Variants in PCDHA13 observed in about 807,000 individuals in gnomAD.
PCDHA13 encodes protocadherin alpha 13.
Under a neutral mutation model 64.8 loss-of-function variants are expected in PCDHA13, and 54 were observed. The observed-to-expected ratio is 0.83, with a 90% CI of 0.67 to 1.04. The LOEUF (loss-of-function observed/expected upper bound fraction) is 1.04, where lower values mean the gene tolerates loss of function less well. PCDHA13 is among the 50% of genes least tolerant of loss of function. The pLI, the probability that PCDHA13 is intolerant of heterozygous loss-of-function variation, is 0.00. For missense variants in PCDHA13, 1,248 were observed against 1,254.3 expected, an observed-to-expected ratio of 0.99 and a Z score of 0.08; for synonymous variants, 587 against 564.4, an observed-to-expected ratio of 1.04 and a Z score of -0.57.
chr5:140,947,905 G>C (rs181055131), intron 1 of PCDHA13, among the ~76,000 whole-genome samples: 1 of 151,610 alleles, frequency 6.6e-6, no homozygotes, highest in East Asian at 1.9e-4. Flanking sequence ...GGTGAGAGCA[G>C]ACATTCTTGC....
chr5:140,966,929 G>A (rs944732818), intron 1 of PCDHA13: 2 of 1,603,460 alleles, frequency 1.2e-6, no homozygotes, highest in African/African-American at 1.3e-5. Flanking sequence ...GCAGGCACCC[G>A]GCGCGCTCGT....
At position 141,010,922 on chromosome 5, in the gene PCDHA13, A is replaced by G. The variant is rs1263879494; in HGVS notation, c.*985A>G. The G allele has an allele frequency of 5.2e-5, 8 of 153,814 alleles. No homozygotes were observed. Among genetic ancestry groups the G allele is most frequent in the African/African-American group, 1.9e-4 (8 of 41,474 alleles). The allele number at this position is 153,814 out of a possible 1,614,324, so 9.5% of individuals were successfully genotyped here. A position where few individuals can be genotyped will look rare whatever the true frequency, so the allele number is the denominator to read the frequency against. ...TTCCCCTAAACTCTCCTCAAAAGAG[A>G]ATTCAGTCTACAGCCATTTAAATGA... On this transcript the variant is annotated 3_prime_UTR_variant, in exon 4 of 4. Transcript: ENST00000289272.
chr5:140,966,047 T>G (rs1463127286), intron 1 of PCDHA13, among the ~76,000 whole-genome samples: 1 of 152,214 alleles, frequency 6.6e-6, no homozygotes, highest in Admixed American at 6.5e-5. Flanking sequence ...CCATCGCCAG[T>G]AACCCCAGAG....
intron 1 of PCDHA13, among the ~76,000 whole-genome samples, chr5:140,909,595 A>G (rs1336934015): frequency 6.6e-6 from 1 of 151,976 alleles, no homozygotes; most frequent in Non-Finnish European, 1.5e-5. Context: ...TTGATTTACT[A>G]TTTTTCTAGG....
intron 3 of PCDHA13, among the ~76,000 whole-genome samples, chr5:141,001,134 T>A (rs370176335): frequency 4.7e-4 from 72 of 152,158 alleles, no homozygotes; most frequent in African/African-American, 1.7e-3. Context: ...AACAAATGAA[T>A]CTTCTGTTGC....
At chr5:140,936,266 A>G (rs1407459228) in intron 1 of PCDHA13, among the ~76,000 whole-genome samples, 1 of 152,182 alleles carries the variant, frequency 6.6e-6, no homozygotes, top group African/African-American at 2.4e-5. Context: ...TCATGAAGAT[A>G]TATTCCTGTG....
chr5:140,939,607 A>G (rs1396731179), intron 1 of PCDHA13, among the ~76,000 whole-genome samples: 2 of 152,244 alleles, frequency 1.3e-5, no homozygotes, highest in Non-Finnish European at 2.9e-5. Flanking sequence ...CAAAAACAGA[A>G]CAAGGAGACA....
At chr5:140,989,894 T>C (rs907697062) in intron 3 of PCDHA13, among the ~76,000 whole-genome samples, 7 of 151,812 alleles carry the variant, frequency 4.6e-5, no homozygotes, top group Admixed American at 3.3e-4. Context: ...GTCTCCGTTA[T>C]TCACAATCAG....
chr5:140,927,293 C>T (rs782386645), intron 1 of PCDHA13: 5 of 1,614,176 alleles, frequency 3.1e-6, no homozygotes, highest in Non-Finnish European at 3.4e-6. Flanking sequence ...CTGCACATCC[C>T]CGAGTTCCTG....
In PCDHA13 at chr5:140,982,560, C is replaced by G. The variant is rs782437404; in HGVS notation, c.2539C>G (p.Pro847Ala). The G allele has an allele frequency of 5.6e-6, 9 of 1,614,098 alleles. No homozygotes were observed. Among genetic ancestry groups the G allele is most frequent in the South Asian group, 4.4e-5 (4 of 91,078 alleles). ...QQWPTVSSAT[P>A]EPEAGEVSPP... ...GTGGCCAACAGTATCCAGTGCAACA[C>G]CAGGTAAAGAGCTGGGGTCTCTCCA... Residue 847 changes from proline to alanine, a missense_variant, in exon 3 of 4, where the codon CCA (proline) becomes GCA (alanine). Physicochemically the swap from Pro to Ala is conservative, Grantham distance 27. Coordinates refer to ENST00000289272, the MANE Select transcript of PCDHA13 (RefSeq NM_018904.3).
chr5:140,994,788 C>G (rs139745274), intron 3 of PCDHA13, among the ~76,000 whole-genome samples: 1 of 152,194 alleles, frequency 6.6e-6, no homozygotes, highest in East Asian at 1.9e-4. Context: ...GGAAACAATG[C>G]GTGCATGCAA....
intron 1 of PCDHA13, chr5:140,928,323 T>C: frequency 1.2e-6 from 2 of 1,614,178 alleles, no homozygotes; most frequent in Non-Finnish European, 1.7e-6. Context: ...TGGGGAAGAA[T>C]GGCCTTGTCT....
Position 140,999,523 on chromosome 5 carries a change from C to A in PCDHA13, c.2543-10104C>A, listed in dbSNP as rs115576128. On this transcript the variant is annotated intron_variant, in intron 3 of 3. Coordinates refer to ENST00000289272, the MANE Select transcript of PCDHA13 (RefSeq NM_018904.3). ...AACCTACATTTTAAGCATTTTGTTA[C>A]CCCCTGGATATGACAGCCAATGAAG... is the stretch of plus-strand genomic sequence containing the variant. Among the ~76,000 whole-genome samples, 464 of 152,142 alleles carry A rather than the reference C, an allele frequency of 3.0e-3. 6 individuals carry two copies. Among genetic ancestry groups the A allele is most frequent in the Middle Eastern group, 0.01 (3 of 294 alleles).
intron 1 of PCDHA13, among the ~76,000 whole-genome samples, chr5:140,916,761 G>A (rs1391817856): frequency 2.0e-5 from 3 of 152,306 alleles, no homozygotes; most frequent in South Asian, 2.1e-4. Flanking sequence ...TTAGGGGAGG[G>A]GTGGCACAAG....
At position 141,011,003 on chromosome 5, in the gene PCDHA13, C is replaced by G. The variant is rs748731648; in HGVS notation, c.*1066C>G. 2.0e-5 allele frequency: 3 copies of G among 153,824 alleles called. No homozygotes were observed. In the South Asian group the frequency reaches 6.2e-4, roughly 32 times the overall value. 9.5% of individuals were successfully genotyped at this position (153,824 alleles called of 1,614,324 possible). On this transcript the variant is annotated 3_prime_UTR_variant, in exon 4 of 4. Coordinates refer to ENST00000289272, the MANE Select transcript of PCDHA13 (RefSeq NM_018904.3). ...ATTGCCTGAAACATCTGTATTATAT[C>G]GGCCACCTGCCAATCACAGCTTTAC...
At chr5:140,887,157 C>T (rs1200573671) in intron 1 of PCDHA13, among the ~76,000 whole-genome samples, 4 of 151,110 alleles carry the variant, frequency 2.6e-5, no homozygotes, top group African/African-American at 9.7e-5. Flanking sequence ...AGTACAGTGG[C>T]GTGATCTCGG....
chr5:140,884,304 C>T lies in PCDHA13; in HGVS notation c.2036C>T (p.Ser679Leu), dbSNP rs1562802468. 1 of 1,613,710 alleles carries T rather than the reference C, an allele frequency of 6.2e-7. No homozygotes were observed. Among genetic ancestry groups the T allele is most frequent in the East Asian group, 2.2e-5 (1 of 44,862 alleles). The change falls in exon 1 of 4, where the codon TCG (serine) becomes TTG (leucine). Residue 679 changes from serine to leucine, a missense_variant. Ser to Leu is a moderately radical substitution (Grantham distance 145, BLOSUM62 -2). Transcript: ENST00000289272. Reference sequence around the variant, plus strand: ...GAGAGCGGCCAAGCGCCACAGGCTTCGTCGAGGGCGTCGGCAGGCGCTGTG... The same window carrying T: ...GAGAGCGGCCAAGCGCCACAGGCTTTGTCGAGGGCGTCGGCAGGCGCTGTG... ...LVESGQAPQA[S>L]SRASAGAVGP... is the part of the protein sequence containing the mutation.
At chr5:140,941,347 T>G (rs246069) in intron 1 of PCDHA13, among the ~76,000 whole-genome samples, 2 of 130,422 alleles carry the variant, frequency 1.5e-5, no homozygotes, top group African/African-American at 5.9e-5. Context: ...GATGGAGTCT[T>G]GCTCTGTTGC....
intron 3 of PCDHA13, among the ~76,000 whole-genome samples, chr5:141,006,960 G>A (rs1183082923): frequency 6.6e-6 from 1 of 152,184 alleles, no homozygotes; most frequent in Non-Finnish European, 1.5e-5. Flanking sequence ...TTATACATGA[G>A]ATTGGAGCAC....
Sources: allele counts gnomAD v4.1 joint callset (sites outside exome capture counted in the v4.1 genomes callset), GRCh38; gene constraint gnomAD v4.1.1; transcripts MANE v1.5; gene names NCBI Gene and HGNC (gene_info 2026-07-23, HGNC 2026-07-21).